Variants in EBF3 observed in about 807,000 individuals in gnomAD.
The protein encoded by EBF3 is EBF transcription factor 3.
EBF3 carries 18 observed loss-of-function variants against 77.1 expected under a neutral mutation model. The ratio of observed to expected loss-of-function variants is 0.23; its 90% CI spans 0.16 to 0.35. The LOEUF (loss-of-function observed/expected upper bound fraction) is 0.35, where lower values mean the gene tolerates loss of function less well. Ranked by LOEUF, EBF3 falls within the 10% of genes least tolerant of loss-of-function variation. The pLI, the probability that EBF3 is intolerant of heterozygous loss-of-function variation, is 1.00. For missense variants in EBF3, 558 were observed against 860.0 expected (o/e 0.65, Z 4.39); for synonymous variants, 350 against 343.5 (o/e 1.02, Z -0.21).
At position 129,931,510 on chromosome 10, in the gene EBF3, C is replaced by G. The variant is rs539224386; in HGVS notation, c.554+25748G>C. ...ACTCAGGTCATCTCTGAGAACTGGG[C>G]CCTTAAATGACATATAGCAAGTAGC... On this transcript the variant is annotated intron_variant, in intron 6 of 16. Coordinates refer to ENST00000440978, the MANE Select transcript of EBF3 (RefSeq NM_001375380.1). Among the ~76,000 whole-genome samples the G allele has an allele frequency of 5.3e-5, 8 of 152,330 alleles. No homozygotes were observed. In the South Asian group the frequency reaches 1.4e-3, roughly 28 times the overall value.
chr10:129,843,386 T>C (rs1408277520), intron 11 of EBF3, 184 bp from the exon 12 acceptor site: 2 of 556,716 alleles, frequency 3.6e-6, no homozygotes, highest in Admixed American at 3.0e-5. Flanking sequence ...ACAACACTGT[T>C]TGTGGCCTTT....
intron 11 of EBF3, chr10:129,843,419 T>C (rs2133959262): frequency 2.0e-6 from 1 of 502,660 alleles, no homozygotes; most frequent in South Asian, 3.4e-5. Flanking sequence ...AATAAAAGCG[T>C]TTTCTGTGGC....
At chr10:129,872,156 AAC>A (rs1177794462) in intron 8 of EBF3, among the ~76,000 whole-genome samples, 11 of 152,206 alleles carry the variant, frequency 7.2e-5, no homozygotes. Flanking sequence ...AGGCCCCTTG[AAC>A]CTATTGCGTG....
rs1850001662 is a variant in EBF3, at chr10:129,841,041, A to C, written c.1373-9T>G. 2 of 1,076,640 alleles carry C rather than the reference A, an allele frequency of 1.9e-6. No homozygotes were observed. The highest frequency in any genetic ancestry group is 3.0e-5 in the East Asian group (1 of 33,812). The allele number at this position is 1,076,640 out of a possible 1,614,324, so 66.7% of individuals were successfully genotyped here. On this transcript the variant is annotated splice_polypyrimidine_tract_variant and intron_variant, in intron 13 of 16. Transcript: ENST00000440978. The surrounding 1 kb of genome is among the most constrained non-coding windows in gnomAD (Gnocchi z 4.6). ...ATTGCGACTGTAGCCGACTGTTGAA[A>C]TCCCCCCCCCGGCCAAAAATAACAT...
chr10:129,920,936 T>G (rs1379726079), intron 6 of EBF3, among the ~76,000 whole-genome samples: 1 of 151,730 alleles, frequency 6.6e-6, no homozygotes, highest in African/African-American at 2.4e-5. Context: ...ATCCTCAAAA[T>G]GGGGATCCCA....
chr10:129,902,289 T>C (rs1854847324), intron 6 of EBF3, among the ~76,000 whole-genome samples: 2 of 149,876 alleles, frequency 1.3e-5, no homozygotes, highest in South Asian at 2.1e-4. Context: ...AGCTTTGGGG[T>C]GAAGTGGTCC....
At chr10:129,873,312 C>T in intron 8 of EBF3, 140 bp downstream of exon 8, 3 of 1,037,236 alleles carry the variant, frequency 2.9e-6, no homozygotes, top group Non-Finnish European at 3.8e-6. Flanking sequence ...CTCGGGGACA[C>T]CCCCTCATCC....
At chr10:129,867,317 G>C in intron 9 of EBF3, 50 bp from the exon 10 acceptor site, 1 of 1,605,326 alleles carries the variant, frequency 6.2e-7, no homozygotes. Context: ...GGCTATGAGA[G>C]GCGGACACTT....
chr10:129,852,738 A>T (rs11818365), intron 10 of EBF3, among the ~76,000 whole-genome samples: 15,157 of 152,220 alleles, frequency 0.1, 1,731 homozygotes, highest in African/African-American at 0.27. Flanking sequence ...GGATTGGAAA[A>T]CATACACGTT....
At chr10:129,902,053 T>C (rs1054679099) in intron 6 of EBF3, among the ~76,000 whole-genome samples, 1 of 152,118 alleles carries the variant, frequency 6.6e-6, no homozygotes, top group Non-Finnish European at 1.5e-5. Context: ...TAATACAAAA[T>C]CTACAGCCTG....
At chr10:129,877,376 G>C (rs963548114) in intron 7 of EBF3, among the ~76,000 whole-genome samples, 1 of 151,468 alleles carries the variant, frequency 6.6e-6, no homozygotes, top group African/African-American at 2.4e-5. Flanking sequence ...AGCTACTCAG[G>C]AGGCTGAGGC....
chr10:129,892,566 A>G (rs544420680), intron 6 of EBF3, among the ~76,000 whole-genome samples: 1 of 152,338 alleles, frequency 6.6e-6, no homozygotes, highest in South Asian at 2.1e-4. Context: ...TGTGCGTTAC[A>G]AATTAATGAT....
chr10:129,962,721 G>T (rs904820891), intron 3 of EBF3, among the ~76,000 whole-genome samples: 4 of 152,164 alleles, frequency 2.6e-5, no homozygotes, highest in Non-Finnish European at 4.4e-5. Context: ...GCTGGAGCCC[G>T]TATCGATCTT....
At chr10:129,962,129 GC>G (rs777187417) in intron 4 of EBF3, 41 bp downstream of exon 4, 6 of 1,608,770 alleles carry the variant, frequency 3.7e-6, no homozygotes, top group Non-Finnish European at 5.1e-6. Context: ...GACAACCCAG[GC>G]CCAGCAGTGA....
chr10:129,947,162 G>A lies in EBF3; in HGVS notation c.554+10096C>T, dbSNP rs1858291040. On this transcript the variant is annotated intron_variant, in intron 6 of 16. Coordinates refer to ENST00000440978, the MANE Select transcript of EBF3 (RefSeq NM_001375380.1). This position sits in a 1 kb window ranked among gnomAD's most constrained non-coding sequence, Gnocchi z 4.5. ...AATGGACAGGGAGCTCCCTTTGGCA[G>A]CATTTCCAATAACCAAATATCAAGG... is the stretch of plus-strand genomic sequence containing the variant. 6.6e-6 allele frequency among the ~76,000 whole-genome samples: 1 copy of A among 152,242 alleles called. No homozygotes were observed. Among genetic ancestry groups the A allele is most frequent in the Non-Finnish European group, 1.5e-5 (1 of 68,050 alleles).
intron 6 of EBF3, among the ~76,000 whole-genome samples, chr10:129,892,429 C>T (rs1346195135): frequency 6.6e-6 from 1 of 152,150 alleles, no homozygotes; most frequent in Admixed American, 6.5e-5. Flanking sequence ...TGGCGATTTC[C>T]ACTTATTTGG....
At chr10:129,906,100 C>G (rs1855125209) in intron 6 of EBF3, among the ~76,000 whole-genome samples, 1 of 152,210 alleles carries the variant, frequency 6.6e-6, no homozygotes. Context: ...ACTGTATTAA[C>G]TGTCAAGAGC....
rs1156464292 is a variant in EBF3, at chr10:129,848,523, A to C, written c.1040-43T>G. The stretch of plus-strand genomic sequence containing the variant: ...AATGTAGATCAGGTTAATTACTTTT[A>C]TGTCATCCATTACTCGTTTATTGCA... On this transcript the variant is annotated intron_variant, in intron 10 of 16. Coordinates refer to ENST00000440978, the MANE Select transcript of EBF3 (RefSeq NM_001375380.1). The surrounding 1 kb of genome is among the most constrained non-coding windows in gnomAD (Gnocchi z 4.4). 2 of 1,592,626 alleles carry C rather than the reference A, an allele frequency of 1.3e-6. No individual in the cohort carries two copies. The highest frequency in any genetic ancestry group is 1.3e-5 in the African/African-American group (1 of 74,562).
chr10:129,874,893 C>T lies in EBF3; in HGVS notation c.637-1297G>A, dbSNP rs568412733. ...GTTGGGTCCGCACATGTAAGGAATCCCCTGCACCAGCATAATCGGGGAAAC... is the reference window on the plus strand; with the variant it reads ...GTTGGGTCCGCACATGTAAGGAATCTCCTGCACCAGCATAATCGGGGAAAC... On this transcript the variant is annotated intron_variant, in intron 7 of 16. Coordinates refer to ENST00000440978, the MANE Select transcript of EBF3 (RefSeq NM_001375380.1). Among the ~76,000 whole-genome samples the T allele has an allele frequency of 7.2e-5, 11 of 152,238 alleles. No homozygotes were observed. The East Asian group carries it at 1.2e-3, about 16-fold the overall frequency.
Sources: allele counts gnomAD v4.1 joint callset (sites outside exome capture counted in the v4.1 genomes callset), GRCh38; gene constraint gnomAD v4.1.1; non-coding constraint Gnocchi (gnomAD v3.1); transcripts MANE v1.5; gene names NCBI Gene and HGNC (gene_info 2026-07-23, HGNC 2026-07-21).